The following CNTN5 variants were observed in gnomAD, a reference collection of about 807,000 sequenced individuals.
CNTN5 encodes contactin-5.
CNTN5 carries 77 observed loss-of-function variants against 129.1 expected under a neutral mutation model. The observed-to-expected ratio is 0.60, with a 90% CI of 0.50 to 0.72. The LOEUF (loss-of-function observed/expected upper bound fraction) is 0.72, where lower values mean the gene tolerates loss of function less well. Among genes scored for constraint, CNTN5 ranks in the 30% least tolerant of loss-of-function variants. The pLI, the probability that CNTN5 is intolerant of heterozygous loss-of-function variation, is 0.00. For missense variants in CNTN5, 1,478 were observed against 1,328.8 expected, an observed-to-expected ratio of 1.11 and a Z score of -1.75; for synonymous variants, 509 against 465.6, an observed-to-expected ratio of 1.09 and a Z score of -1.20.
In CNTN5 at chr11:99,445,226, G is replaced by A. The variant is rs189531969; in HGVS notation, c.-70-110919G>A. On this transcript the variant is annotated intron_variant, in intron 2 of 24. Transcript: ENST00000524871. ...GTGTGGTGTGTTTGCATACATATAT[G>A]TATGTATATATCCTCCTTTTATTTT... Among the ~76,000 whole-genome samples, 41 of 151,064 alleles carry A rather than the reference G, an allele frequency of 2.7e-4. 1 individual carries two copies. The highest frequency in any genetic ancestry group is 9.4e-4 in the African/African-American group (39 of 41,290).
chr11:99,825,071 G>T (rs1229466740), intron 4 of CNTN5, among the ~76,000 whole-genome samples: 49 of 152,044 alleles, frequency 3.2e-4, no homozygotes, highest in Non-Finnish European at 4.4e-5. Flanking sequence ...ATATGGCGTT[G>T]TCTAATAGTA....
At chr11:99,614,375 A>G (rs1031667182) in intron 3 of CNTN5, among the ~76,000 whole-genome samples, 1 of 152,328 alleles carries the variant, frequency 6.6e-6, no homozygotes, top group East Asian at 1.9e-4. Context: ...TCAAGCTTTC[A>G]TACTTATATT....
At chr11:99,227,599 TA>T (rs1490258949) in intron 1 of CNTN5, among the ~76,000 whole-genome samples, 1 of 152,176 alleles carries the variant, frequency 6.6e-6, no homozygotes, top group Non-Finnish European at 1.5e-5. Flanking sequence ...CTCTTTGTTT[TA>T]AAAATTCTTT....
intron 1 of CNTN5, chr11:99,120,633 A>G (rs1858271325): frequency 1.3e-5 from 2 of 152,190 alleles, no homozygotes; most frequent in African/African-American, 2.4e-5. Context: ...CCCCCATTGA[A>G]TATCTATGTC....
chr11:99,089,152 A>AGCAG (rs893729932), intron 1 of CNTN5, among the ~76,000 whole-genome samples: 7 of 152,154 alleles, frequency 4.6e-5, no homozygotes, highest in African/African-American at 1.7e-4. Flanking sequence ...TATTCAACAT[A>AGCAG]GCAGGCCTTT....
intron 3 of CNTN5, among the ~76,000 whole-genome samples, chr11:99,745,299 C>G (rs955122046): frequency 3.9e-5 from 6 of 152,288 alleles, no homozygotes; most frequent in African/African-American, 1.4e-4. Context: ...TCAATGTAAA[C>G]TGACTCTACA....
intron 13 of CNTN5, among the ~76,000 whole-genome samples, chr11:100,126,026 A>G (rs1363961661): frequency 6.6e-6 from 1 of 151,988 alleles, no homozygotes; most frequent in African/African-American, 2.4e-5. Context: ...ATTTCAAATA[A>G]TTTTTTGATT....
intron 1 of CNTN5, among the ~76,000 whole-genome samples, chr11:99,315,827 CA>C (rs1865316298): frequency 6.7e-6 from 1 of 148,498 alleles, no homozygotes; most frequent in South Asian, 2.2e-4. Context: ...GATTTTTTTT[CA>C]TAGAGTATTT....
At chr11:99,878,436 A>G (rs1948689086) in intron 6 of CNTN5, among the ~76,000 whole-genome samples, 1 of 152,218 alleles carries the variant, frequency 6.6e-6, no homozygotes, top group South Asian at 2.1e-4. Context: ...ATTCTGAACA[A>G]CAGTGCAAGG....
At chr11:99,083,470 C>T (rs1865887857) in intron 1 of CNTN5, among the ~76,000 whole-genome samples, 1 of 152,170 alleles carries the variant, frequency 6.6e-6, no homozygotes, top group Non-Finnish European at 1.5e-5. Context: ...TATGATCACT[C>T]CAACTCTCAG....
rs1354020131 is a variant in CNTN5 at position 100,224,636 on chromosome 11, A to C, written c.1885-56A>C. 3 of 1,562,120 alleles carry C rather than the reference A, an allele frequency of 1.9e-6. No individual in the cohort carries two copies. In the East Asian group the frequency reaches 6.8e-5, roughly 35 times the overall value. On this transcript the variant is annotated intron_variant, in intron 15 of 24. Transcript: ENST00000524871. ...AATATGCAAAGTTCCCCCTTAAGCCACCTTGAACTAGGCAGATTTGCAACA... is the reference window on the plus strand; with the variant it reads ...AATATGCAAAGTTCCCCCTTAAGCCCCCTTGAACTAGGCAGATTTGCAACA...
intron 2 of CNTN5, among the ~76,000 whole-genome samples, chr11:99,502,421 G>A (rs962334787): frequency 1.3e-5 from 2 of 152,180 alleles, no homozygotes; most frequent in East Asian, 1.9e-4. Flanking sequence ...CGGGGGTTGG[G>A]GGGGTGGTTT....
chr11:99,627,821 G>A (rs1256710939), intron 3 of CNTN5, among the ~76,000 whole-genome samples: 1 of 151,470 alleles, frequency 6.6e-6, no homozygotes, highest in Non-Finnish European at 1.5e-5. Context: ...TGTGCAGACA[G>A]GTTAAATGTT....
At chr11:99,972,979 C>T (rs1164770450) in intron 8 of CNTN5, among the ~76,000 whole-genome samples, 1 of 151,784 alleles carries the variant, frequency 6.6e-6, no homozygotes, top group African/African-American at 2.4e-5. Flanking sequence ...TTACTTGCGA[C>T]ATGTTTTTTT....
chr11:99,609,513 A>G (rs541158020), intron 3 of CNTN5, among the ~76,000 whole-genome samples: 1 of 152,118 alleles, frequency 6.6e-6, no homozygotes, highest in Non-Finnish European at 1.5e-5. Flanking sequence ...GCCGTGGAAC[A>G]CACAGAAGTC....
chr11:99,574,029 A>T (rs1389333504), intron 3 of CNTN5, among the ~76,000 whole-genome samples: 1 of 151,958 alleles, frequency 6.6e-6, no homozygotes, highest in South Asian at 2.1e-4. Flanking sequence ...TACATTAGGT[A>T]TTTCTCCTAA....
intron 3 of CNTN5, among the ~76,000 whole-genome samples, chr11:99,683,845 T>C (rs550291147): frequency 6.6e-6 from 1 of 151,708 alleles, no homozygotes; most frequent in East Asian, 1.9e-4. Flanking sequence ...AAATTATATA[T>C]TTATGGTGTA....
At chr11:100,309,779 T>C (rs1377712644) in intron 21 of CNTN5, 8 of 831,170 alleles carry the variant, frequency 9.6e-6, no homozygotes, top group African/African-American at 3.7e-5. Context: ...TTCCCTTCTC[T>C]ATGGAGGAGG....
intron 3 of CNTN5, among the ~76,000 whole-genome samples, chr11:99,583,702 G>A (rs1161683642): frequency 1.3e-5 from 2 of 152,158 alleles, no homozygotes; most frequent in Admixed American, 6.5e-5. Flanking sequence ...GGAGTGACCT[G>A]ATTTTCCAGG....
Sources: allele counts gnomAD v4.1 joint callset (sites outside exome capture counted in the v4.1 genomes callset), GRCh38; gene constraint gnomAD v4.1.1; transcripts MANE v1.5; gene names NCBI Gene and HGNC (gene_info 2026-07-23, HGNC 2026-07-21).